Variants in SGIP1 observed in about 807,000 individuals in gnomAD.
SGIP1 encodes SH3GL interacting endocytic adaptor 1.
Under a neutral mutation model 107.5 loss-of-function variants are expected in SGIP1, and 38 were observed. The ratio of observed to expected loss-of-function variants is 0.35; its 90% CI spans 0.27 to 0.46. The LOEUF is 0.46. SGIP1 is among the 20% of genes least tolerant of loss of function. The pLI, the probability that SGIP1 is intolerant of heterozygous loss-of-function variation, is 1.00. For synonymous variants in SGIP1, 365 were observed against 366.1 expected, an observed-to-expected ratio of 1.00 and a Z score of 0.03; for missense variants, 929 against 1,019.5, an observed-to-expected ratio of 0.91 and a Z score of 1.21.
At chr1:66,717,583 T>G (rs2093316351) in intron 18 of SGIP1, among the ~76,000 whole-genome samples, 1 of 152,160 alleles carries the variant, frequency 6.6e-6, no homozygotes, top group African/African-American at 2.4e-5. Flanking sequence ...AACTTCAGAC[T>G]CACCCAGTGG....
intron 17 of SGIP1, among the ~76,000 whole-genome samples, chr1:66,693,433 T>G (rs1322724990): frequency 6.6e-6 from 1 of 152,122 alleles, no homozygotes; most frequent in Non-Finnish European, 1.5e-5. Flanking sequence ...GATACAGAGA[T>G]AACAATAGAG....
intron 2 of SGIP1, among the ~76,000 whole-genome samples, chr1:66,630,843 GAA>G (rs371690313): frequency 0.062 from 936 of 15,210 alleles, 34 homozygotes; most frequent in East Asian, 0.3. Flanking sequence ...AAGAAAGAAA[GAA>G]AGAAAGAAAG....
intron 14 of SGIP1, 37 bp downstream of exon 14, chr1:66,679,789 C>T: frequency 1.9e-6 from 3 of 1,541,234 alleles, no homozygotes; most frequent in Non-Finnish European, 2.6e-6. Context: ...GATGATGTGT[C>T]AAACAGAGCA....
chr1:66,566,195 A>G (rs7547794), intron 1 of SGIP1, among the ~76,000 whole-genome samples: 74,807 of 151,672 alleles, frequency 0.49, 19,126 homozygotes, highest in South Asian at 0.78. Context: ...CTAGCGGTAA[A>G]CAACCCACCT....
intron 1 of SGIP1, among the ~76,000 whole-genome samples, chr1:66,592,365 C>T (rs1393591352): frequency 6.6e-6 from 1 of 152,160 alleles, no homozygotes; most frequent in Non-Finnish European, 1.5e-5. Context: ...CTGCACAGCC[C>T]TAAATCCATT....
At chr1:66,635,215 G>A (rs868020794) in intron 3 of SGIP1, among the ~76,000 whole-genome samples, 2 of 152,342 alleles carry the variant, frequency 1.3e-5, no homozygotes, top group Middle Eastern at 6.8e-3. Flanking sequence ...AACCTATAGA[G>A]GCTTCGCAGC....
At chr1:66,739,195 C>A in intron 21 of SGIP1, 140 bp from the exon 22 acceptor site, 2 of 872,844 alleles carry the variant, frequency 2.3e-6, no homozygotes, top group East Asian at 2.7e-5. Flanking sequence ...CTTGAAGCAC[C>A]CAGCTCTCTC....
In SGIP1 at chr1:66,683,404, T is replaced by C. The variant is rs376441523; in HGVS notation, c.1315+1035T>C. The stretch of plus-strand genomic sequence containing the variant: ...AATTCTAATATTCAGTCATCATCAC[T>C]GCCTCTTTCAATGAGGTCTTGCAGA... On this transcript the variant is annotated intron_variant, in intron 15 of 24. Coordinates refer to ENST00000371037, the MANE Select transcript of SGIP1 (RefSeq NM_032291.4). Among the ~76,000 whole-genome samples, 6 of 152,340 alleles carry C rather than the reference T, an allele frequency of 3.9e-5. No individual in the cohort carries two copies. In the South Asian group the frequency reaches 6.2e-4, roughly 16 times the overall value.
chr1:66,555,210 T>G (rs1445299238), intron 1 of SGIP1, among the ~76,000 whole-genome samples: 2 of 152,126 alleles, frequency 1.3e-5, no homozygotes, highest in East Asian at 3.9e-4. Flanking sequence ...GTCCTTCATG[T>G]GTGCCCTCCT....
intron 1 of SGIP1, among the ~76,000 whole-genome samples, chr1:66,603,149 TC>T (rs2066183460): frequency 6.6e-6 from 1 of 152,212 alleles, no homozygotes; most frequent in African/African-American, 2.4e-5. Context: ...CAAGCATTTG[TC>T]TTGGAGAAAG....
intron 4 of SGIP1, among the ~76,000 whole-genome samples, chr1:66,639,239 A>G (rs2076333563): frequency 6.6e-6 from 1 of 152,234 alleles, no homozygotes; most frequent in African/African-American, 2.4e-5. Context: ...TTTAATAACT[A>G]GGAACTGAAT....
At chr1:66,557,586 T>C (rs929283307) in intron 1 of SGIP1, among the ~76,000 whole-genome samples, 4 of 152,126 alleles carry the variant, frequency 2.6e-5, no homozygotes, top group Non-Finnish European at 5.9e-5. Flanking sequence ...TCACTTCATT[T>C]GGTCTGCACA....
chr1:66,704,831 C>CT (rs1482053443), intron 18 of SGIP1: 28 of 152,216 alleles, frequency 1.8e-4, no homozygotes, highest in African/African-American at 6.0e-4. Flanking sequence ...TATGTGTCTG[C>CT]TGTGGATATA....
At chr1:66,735,437 A>G (rs1322277256) in intron 21 of SGIP1, among the ~76,000 whole-genome samples, 4 of 151,304 alleles carry the variant, frequency 2.6e-5, no homozygotes, top group African/African-American at 9.7e-5. Context: ...CTGGTCTTGA[A>G]CTCCCAGCCT....
chr1:66,574,047 C>T (rs4655625), intron 1 of SGIP1, among the ~76,000 whole-genome samples: 26,093 of 152,090 alleles, frequency 0.17, 2,670 homozygotes, highest in East Asian at 0.45. Context: ...CACACTAGCA[C>T]ATTTGTTTCC....
intron 17 of SGIP1, chr1:66,694,791 T>C (rs1459916516): frequency 8.9e-6 from 3 of 338,728 alleles, no homozygotes; most frequent in Non-Finnish European, 1.6e-5. Context: ...ATAATTTAAC[T>C]GCTCAGAATT....
intron 18 of SGIP1, among the ~76,000 whole-genome samples, chr1:66,705,665 C>T (rs1414299636): frequency 6.6e-6 from 1 of 152,156 alleles, no homozygotes; most frequent in Non-Finnish European, 1.5e-5. Context: ...TTATCAGTCC[C>T]ATTGGGAGAA....
chr1:66,743,053 C>T lies in SGIP1; in HGVS notation c.2465-20C>T, dbSNP rs1212717621. 1.1e-5 allele frequency: 18 copies of T among 1,613,392 alleles called. No homozygotes were observed. The highest frequency in any genetic ancestry group is 1.4e-5 in the Non-Finnish European group (16 of 1,179,628). On this transcript the variant is annotated intron_variant, in intron 24 of 24. Coordinates refer to ENST00000371037, the MANE Select transcript of SGIP1 (RefSeq NM_032291.4). ...ATTGAACTACCAGATAACCTGTTGA[C>T]ATGCTGTTTTGTTTTGCAGGAAAAT... is the stretch of plus-strand genomic sequence containing the variant.
At chr1:66,587,518 C>A (rs1458112258) in intron 1 of SGIP1, among the ~76,000 whole-genome samples, 1 of 152,080 alleles carries the variant, frequency 6.6e-6, no homozygotes, top group Non-Finnish European at 1.5e-5. Context: ...ACTTTCTAAT[C>A]CAATCCCTGC....
Sources: gnomAD v4.1 joint callset for allele counts (sites outside exome capture counted in the v4.1 genomes callset) on GRCh38, gnomAD v4.1.1 for gene constraint, MANE v1.5 for transcripts, NCBI Gene and HGNC (gene_info 2026-07-23, HGNC 2026-07-21) for gene names.